The following GSG1L variants were observed in gnomAD, a reference collection of about 807,000 sequenced individuals.
GSG1L encodes GSG1 like.
GSG1L carries 24 observed loss-of-function variants against 42.1 expected under a neutral mutation model. The observed-to-expected ratio is 0.57, with a 90% confidence interval of 0.41 to 0.80. The LOEUF (loss-of-function observed/expected upper bound fraction) is 0.80, where lower values mean the gene tolerates loss of function less well. Among genes scored for constraint, GSG1L ranks in the 30% least tolerant of loss-of-function variants. The probability of loss-of-function intolerance (pLI) is 0.00; values close to 1 mark genes in which losing one functional copy is unlikely to be tolerated. For synonymous variants in GSG1L, 215 were observed against 203.5 expected, an observed-to-expected ratio of 1.06 and a Z score of -0.48; for missense variants, 445 against 472.2, an observed-to-expected ratio of 0.94 and a Z score of 0.53.
At chr16:27,914,713 T>C (rs984155722) in intron 2 of GSG1L, among the ~76,000 whole-genome samples, 4 of 151,954 alleles carry the variant, frequency 2.6e-5, no homozygotes, top group Admixed American at 2.6e-4. Flanking sequence ...TTTGAAAGCA[T>C]TTAGCACAAA....
chr16:27,865,554 TATATATATATATATATATACACACACAC>T (rs1471521120), intron 3 of GSG1L, among the ~76,000 whole-genome samples: 53 of 28,584 alleles, frequency 1.9e-3, no homozygotes, highest in African/African-American at 7.1e-3. Flanking sequence ...TATATATATA[TATATATATATATATATATACACACACAC>T]ATACATACAT....
intron 1 of GSG1L, among the ~76,000 whole-genome samples, chr16:28,053,850 C>T (rs898911329): frequency 4.6e-5 from 7 of 152,156 alleles, no homozygotes; most frequent in African/African-American, 9.7e-5. Flanking sequence ...CATCTCTGTC[C>T]GGGTGTGCAC....
intron 1 of GSG1L, among the ~76,000 whole-genome samples, chr16:27,988,167 A>T (rs995009231): frequency 2.6e-5 from 4 of 152,048 alleles, no homozygotes; most frequent in African/African-American, 7.3e-5. Context: ...AAAATTAAGG[A>T]AACATCTTTC....
rs1271446807 is a variant in GSG1L at position 27,979,686 on chromosome 16, AGAAG to A, written c.350-16487_350-16484del. Among the ~76,000 whole-genome samples the A allele has an allele frequency of 2.6e-3, 103 of 40,082 alleles. 3 individuals carry two copies. Among genetic ancestry groups the A allele is most frequent in the Middle Eastern group, 0.011 (1 of 90 alleles). The allele number at this position is 40,082 out of a possible 152,430, so 26.3% of individuals were successfully genotyped here. ...AAGAGAGAGAGAGAGAGAGAAAGAAAGAAGGAAGGAAGGAAGGAAGGAAGGAAGG... is the reference window on the plus strand; with the variant it reads ...AAGAGAGAGAGAGAGAGAGAAAGAAAGAAGGAAGGAAGGAAGGAAGGAAGG... On this transcript the variant is annotated intron_variant, in intron 1 of 6. Coordinates refer to ENST00000447459, the MANE Select transcript of GSG1L (RefSeq NM_001109763.2).
intron 2 of GSG1L, among the ~76,000 whole-genome samples, chr16:27,915,767 AC>A (rs1384858977): frequency 1.3e-5 from 2 of 152,212 alleles, no homozygotes; most frequent in Non-Finnish European, 2.9e-5. Context: ...AACCTGGGCA[AC>A]ACAGTGGGAC....
intron 1 of GSG1L, among the ~76,000 whole-genome samples, chr16:27,971,880 C>T (rs777773873): frequency 2.1e-4 from 32 of 151,946 alleles, no homozygotes; most frequent in South Asian, 4.2e-4. Flanking sequence ...CTCTTTAGTC[C>T]CACAACAAAC....
At chr16:27,972,322 G>T (rs745560775) in intron 1 of GSG1L, among the ~76,000 whole-genome samples, 2 of 152,238 alleles carry the variant, frequency 1.3e-5, no homozygotes, top group Non-Finnish European at 2.9e-5. Context: ...AGGAACACAG[G>T]ATACTTCAAT....
intron 2 of GSG1L, among the ~76,000 whole-genome samples, chr16:27,934,151 A>G (rs922651302): frequency 3.3e-5 from 5 of 152,114 alleles, no homozygotes; most frequent in Non-Finnish European, 5.9e-5. Flanking sequence ...TGCAAGGGCC[A>G]CTCCCCGCCA....
chr16:27,866,530 T>C (rs2083727885), intron 3 of GSG1L, among the ~76,000 whole-genome samples: 2 of 152,214 alleles, frequency 1.3e-5, no homozygotes, highest in East Asian at 3.8e-4. Flanking sequence ...CTGAGCAATC[T>C]GCCCTCCACC....
At chr16:27,936,126 G>A (rs2084714011) in intron 2 of GSG1L, among the ~76,000 whole-genome samples, 1 of 151,716 alleles carries the variant, frequency 6.6e-6, no homozygotes, top group Non-Finnish European at 1.5e-5. Context: ...GTCAATCACA[G>A]TCGCACAAGG....
intron 2 of GSG1L, among the ~76,000 whole-genome samples, chr16:27,900,966 A>G (rs1341062775): frequency 1.3e-5 from 2 of 152,072 alleles, no homozygotes; most frequent in Non-Finnish European, 2.9e-5. Flanking sequence ...TGTCTCTACT[A>G]AAAATACAAA....
At chr16:28,015,631 A>T (rs2085771961) in intron 1 of GSG1L, among the ~76,000 whole-genome samples, 1 of 152,256 alleles carries the variant, frequency 6.6e-6, no homozygotes, top group African/African-American at 2.4e-5. Context: ...CCTTTGACCC[A>T]GGTTACCTCA....
chr16:28,059,713 C>T lies in GSG1L; in HGVS notation c.349+3363G>A, dbSNP rs984450903. ...TGCTCCCCACCAAACCCCTCCCCAG[C>T]GTCTCAACCAGAAGAGAAATCCAAT... On this transcript the variant is annotated intron_variant, in intron 1 of 6. Transcript: ENST00000447459. The surrounding 1 kb of genome is among the most constrained non-coding windows in gnomAD (Gnocchi z 4.4). 6.6e-6 allele frequency among the ~76,000 whole-genome samples: 1 copy of T among 152,094 alleles called. No homozygotes were observed. The highest frequency in any genetic ancestry group is 1.5e-5 in the Non-Finnish European group (1 of 68,028).
At chr16:27,842,106 GCGCGTGC>G (rs2083390059) in intron 4 of GSG1L, among the ~76,000 whole-genome samples, 1 of 117,260 alleles carries the variant, frequency 8.5e-6, no homozygotes, top group Admixed American at 8.3e-5. Flanking sequence ...GCACGATGTC[GCGCGTGC>G]CGAATTTCAC....
chr16:27,966,944 C>T (rs914671362), intron 1 of GSG1L, among the ~76,000 whole-genome samples: 2 of 152,150 alleles, frequency 1.3e-5, no homozygotes, highest in South Asian at 4.1e-4. Flanking sequence ...CCTGAAAGCT[C>T]TCTGGTTTGC....
At chr16:27,979,769 GGAAA>G (rs1260948863) in intron 1 of GSG1L, among the ~76,000 whole-genome samples, 4 of 43,210 alleles carry the variant, frequency 9.3e-5, no homozygotes, top group East Asian at 4.0e-4. Flanking sequence ...AAAGAAAGAA[GGAAA>G]GAAAGAAAGA....
chr16:27,880,124 C>A (rs760056972), intron 3 of GSG1L, among the ~76,000 whole-genome samples: 45 of 152,326 alleles, frequency 3.0e-4, no homozygotes, highest in Non-Finnish European at 5.6e-4. Flanking sequence ...TTCCCTCCCA[C>A]AGGAGCAGAG....
Position 27,884,348 on chromosome 16 carries a change from A to T in GSG1L, c.550+138T>A. 1 of 769,598 alleles carries T rather than the reference A, an allele frequency of 1.3e-6. No homozygotes were observed. The highest frequency in any genetic ancestry group is 2.0e-6 in the Non-Finnish European group (1 of 495,534). 47.7% of individuals were successfully genotyped at this position (769,598 alleles called of 1,614,324 possible). ...AGTCAATATGCATTGGTCATTTTTTACAAACGATAAAACTGAGGCTCACAG... is the reference window on the plus strand; with the variant it reads ...AGTCAATATGCATTGGTCATTTTTTTCAAACGATAAAACTGAGGCTCACAG... On this transcript the variant is annotated intron_variant, in intron 3 of 6. Transcript: ENST00000447459. The surrounding 1 kb of genome is among the most constrained non-coding windows in gnomAD (Gnocchi z 4.4).
intron 6 of GSG1L, among the ~76,000 whole-genome samples, chr16:27,793,737 G>T (rs187082180): frequency 6.6e-6 from 1 of 152,232 alleles, no homozygotes; most frequent in Non-Finnish European, 1.5e-5. Flanking sequence ...AGATGCTGAG[G>T]ACTGGGGCCC....
Sources: allele counts gnomAD v4.1 joint callset (sites outside exome capture counted in the v4.1 genomes callset), GRCh38; gene constraint gnomAD v4.1.1; non-coding constraint Gnocchi (gnomAD v3.1); transcripts MANE v1.5; gene names NCBI Gene and HGNC (gene_info 2026-07-23, HGNC 2026-07-21).